PIK3CB: variants seen among roughly 807,000 people sequenced by gnomAD.
PIK3CB encodes phosphatidylinositol-4,5-bisphosphate 3-kinase catalytic subunit beta.
PIK3CB carries 39 observed loss-of-function variants against 136.8 expected under a neutral mutation model. The observed-to-expected ratio is 0.29, with a 90% confidence interval of 0.22 to 0.37. The LOEUF is 0.37. Ranked by LOEUF, PIK3CB falls within the 10% of genes least tolerant of loss-of-function variation. The probability of loss-of-function intolerance (pLI) is 1.00; values close to 1 mark genes in which losing one functional copy is unlikely to be tolerated. For synonymous variants in PIK3CB, 428 were observed against 436.6 expected, an observed-to-expected ratio of 0.98 and a Z score of 0.25; for missense variants, 868 against 1,275.4, an observed-to-expected ratio of 0.68 and a Z score of 4.87.
At chr3:138,683,855 A>G in intron 17 of PIK3CB, 68 bp from the exon 18 acceptor site, 1 of 853,046 alleles carries the variant, frequency 1.2e-6, no homozygotes, top group Non-Finnish European at 2.0e-6. Context: ...TTTTACCACT[A>G]TATACTAGGC....
intron 1 of PIK3CB, among the ~76,000 whole-genome samples, chr3:138,824,043 T>A (rs565992101): frequency 6.6e-6 from 1 of 152,310 alleles, no homozygotes; most frequent in South Asian, 2.1e-4. Flanking sequence ...ACAACTGCCA[T>A]TACTTCTAAG....
intron 10 of PIK3CB, among the ~76,000 whole-genome samples, chr3:138,707,839 C>A (rs1476228154): frequency 1.3e-5 from 2 of 152,198 alleles, no homozygotes; most frequent in Non-Finnish European, 2.9e-5. Flanking sequence ...CCAACTGCTT[C>A]TTTCTTCAAG....
chr3:138,714,744 A>C (rs527839564), intron 8 of PIK3CB, 25 bp from the exon 9 acceptor site: 3 of 1,562,550 alleles, frequency 1.9e-6, no homozygotes, highest in East Asian at 2.3e-5. Context: ...ACAAAAACAA[A>C]AACAAAGTCA....
At chr3:138,759,441 A>G in intron 2 of PIK3CB, 82 bp from the exon 3 acceptor site, 2 of 852,112 alleles carry the variant, frequency 2.3e-6, no homozygotes, top group Non-Finnish European at 3.6e-6. Context: ...ACTAATCTAC[A>G]ATTAGTCCTT....
intron 1 of PIK3CB, among the ~76,000 whole-genome samples, chr3:138,818,456 A>G (rs530766771): frequency 4.6e-5 from 7 of 152,268 alleles, no homozygotes; most frequent in East Asian, 3.9e-4. Context: ...TGGTTTAACT[A>G]TATGCTCTTT....
rs1456873193 is a variant in PIK3CB at position 138,654,746 on chromosome 3, T to C, written c.*643A>G. Reference sequence around the variant, plus strand: ...TCCCACTAGAAATTTTATAAATATATATGTAGCATATTTATATATATTATA... The same window carrying C: ...TCCCACTAGAAATTTTATAAATATACATGTAGCATATTTATATATATTATA... On this transcript the variant is annotated 3_prime_UTR_variant, in exon 24 of 24. Coordinates refer to ENST00000674063, the MANE Select transcript of PIK3CB (RefSeq NM_006219.3). 10 of 213,140 alleles carry C rather than the reference T, an allele frequency of 4.7e-5. No homozygotes were observed. The highest frequency in any genetic ancestry group is 2.8e-5 in the Non-Finnish European group (3 of 105,358). The allele number at this position is 213,140 out of a possible 1,614,324, so 13.2% of individuals were successfully genotyped here.
At chr3:138,784,159 G>C (rs911766647) in intron 2 of PIK3CB, among the ~76,000 whole-genome samples, 1 of 152,194 alleles carries the variant, frequency 6.6e-6, no homozygotes, top group Admixed American at 6.5e-5. Context: ...TGGAAGACAA[G>C]TGGATCACCT....
At chr3:138,830,321 G>A (rs1476763293) in intron 1 of PIK3CB, among the ~76,000 whole-genome samples, 1 of 152,124 alleles carries the variant, frequency 6.6e-6, no homozygotes, top group Non-Finnish European at 1.5e-5. Flanking sequence ...AGGACGAGGT[G>A]GGCGGATCAC....
intron 19 of PIK3CB, among the ~76,000 whole-genome samples, chr3:138,677,805 G>C (rs1193356119): frequency 6.6e-6 from 1 of 152,144 alleles, no homozygotes. Flanking sequence ...TGAGGCAGGA[G>C]AATCACTTGA....
At chr3:138,830,623 G>T (rs1305663567) in intron 1 of PIK3CB, among the ~76,000 whole-genome samples, 1 of 152,074 alleles carries the variant, frequency 6.6e-6, no homozygotes, top group African/African-American at 2.4e-5. Flanking sequence ...TAAAGCAGGG[G>T]CCGGAGTGGA....
chr3:138,744,163 G>A (rs536884577), intron 4 of PIK3CB, among the ~76,000 whole-genome samples: 52 of 151,740 alleles, frequency 3.4e-4, no homozygotes, highest in Middle Eastern at 3.4e-3. Flanking sequence ...AGGCTGAGGC[G>A]GGTGGATCAC....
intron 1 of PIK3CB, among the ~76,000 whole-genome samples, chr3:138,816,119 T>C (rs1393843319): frequency 1.3e-5 from 2 of 151,988 alleles, no homozygotes; most frequent in South Asian, 2.1e-4. Context: ...CTGGGCAATG[T>C]GGCGAAACCT....
intron 14 of PIK3CB, among the ~76,000 whole-genome samples, chr3:138,692,112 A>G (rs546137461): frequency 9.8e-4 from 149 of 152,288 alleles, no homozygotes; most frequent in African/African-American, 3.5e-3. Context: ...TTTTGTGTCA[A>G]TCTCCAAACC....
At chr3:138,769,339 T>C (rs2045772282) in intron 2 of PIK3CB, among the ~76,000 whole-genome samples, 1 of 152,220 alleles carries the variant, frequency 6.6e-6, no homozygotes, top group South Asian at 2.1e-4. Flanking sequence ...TATCTGCCAA[T>C]GAATGATGTT....
At position 138,724,339 on chromosome 3, in the gene PIK3CB, G is replaced by A. The variant is rs140907276; in HGVS notation, c.1050+9022C>T. 2.2e-4 allele frequency among the ~76,000 whole-genome samples: 34 copies of A among 152,212 alleles called. No individual in the cohort carries two copies. In the East Asian group the frequency reaches 6.2e-3, roughly 28 times the overall value. On this transcript the variant is annotated intron_variant, in intron 8 of 23. Transcript: ENST00000674063. ...ATATATGTTCTTCAAGGTCCAGAAG[G>A]GTTCCAAGTGCAGAAGCTTGTCCCC... is the stretch of plus-strand genomic sequence containing the variant.
At chr3:138,802,852 C>T (rs1356610400) in intron 1 of PIK3CB, among the ~76,000 whole-genome samples, 1 of 152,150 alleles carries the variant, frequency 6.6e-6, no homozygotes. Flanking sequence ...CAATACATAT[C>T]CTCTCAAAAA....
intron 22 of PIK3CB, chr3:138,657,481 T>C (rs361089): frequency 0.58 from 290,694 of 502,444 alleles, 88,707 homozygotes; most frequent in East Asian, 0.98. Context: ...AATATAATAA[T>C]TATTTTAAAT....
intron 1 of PIK3CB, among the ~76,000 whole-genome samples, chr3:138,811,042 C>T (rs1020152964): frequency 2.6e-5 from 4 of 151,820 alleles, no homozygotes; most frequent in Non-Finnish European, 4.4e-5. Context: ...GCCTGGTCAA[C>T]GTAGCGAAAT....
intron 2 of PIK3CB, among the ~76,000 whole-genome samples, chr3:138,762,072 C>A (rs1232210865): frequency 6.6e-6 from 1 of 151,504 alleles, no homozygotes; most frequent in African/African-American, 2.4e-5. Flanking sequence ...CATGGCGAAA[C>A]CCTGTCTCTA....
Sources: gnomAD v4.1 joint callset for allele counts (sites outside exome capture counted in the v4.1 genomes callset) on GRCh38, gnomAD v4.1.1 for gene constraint, MANE v1.5 for transcripts, NCBI Gene and HGNC (gene_info 2026-07-23, HGNC 2026-07-21) for gene names.